Variants in HAAO observed in about 807,000 individuals in gnomAD.
The protein encoded by HAAO is 3-hydroxyanthranilate 3,4-dioxygenase.
A neutral mutation model predicts 46.2 loss-of-function variants in HAAO; 49 were observed. The ratio of observed to expected loss-of-function variants is 1.06; its 90% CI spans 0.84 to 1.34. The LOEUF is 1.34. Ranked by LOEUF, HAAO falls within the 40% of genes most tolerant of loss-of-function variation. The probability of loss-of-function intolerance (pLI) is 0.00; values close to 1 mark genes in which losing one functional copy is unlikely to be tolerated. For synonymous variants in HAAO, 157 were observed against 145.2 expected, an observed-to-expected ratio of 1.08 and a Z score of -0.58; for missense variants, 408 against 364.5, an observed-to-expected ratio of 1.12 and a Z score of -0.97.
chr2:42,792,380 A>C (rs1244862527), intron 1 of HAAO, 77 bp downstream of exon 1: 2 of 750,572 alleles, frequency 2.7e-6, no homozygotes, highest in Non-Finnish European at 2.2e-6. Context: ...AGGAACTCGG[A>C]GCTGGAAGGT....
chr2:42,779,008 G>A (rs976904229), intron 4 of HAAO, among the ~76,000 whole-genome samples: 1 of 152,124 alleles, frequency 6.6e-6, no homozygotes, highest in Non-Finnish European at 1.5e-5. Context: ...AGCTACTTGG[G>A]AGGCTGAGGC....
At position 42,770,589 on chromosome 2, in the gene HAAO, G is replaced by A. The variant is rs1167300979; in HGVS notation, c.351-7C>T. 30 of 1,544,058 alleles carry A rather than the reference G, an allele frequency of 1.9e-5. No individual in the cohort carries two copies. Among genetic ancestry groups the A allele is most frequent in the Non-Finnish European group, 2.4e-5 (27 of 1,141,844 alleles). On this transcript the variant is annotated splice_region_variant and splice_polypyrimidine_tract_variant and intron_variant, in intron 4 of 9. Coordinates refer to ENST00000294973, the MANE Select transcript of HAAO (RefSeq NM_012205.3). ...GGTGTCGCCCACATAGTACCTGCCA[G>A]AGCAGAGGACAGGCAACCCTGCTGT...
chr2:42,790,600 C>T (rs532179947), intron 1 of HAAO, among the ~76,000 whole-genome samples: 119 of 151,324 alleles, frequency 7.9e-4, no homozygotes, highest in African/African-American at 2.8e-3. Flanking sequence ...GGCACAACTT[C>T]GGCTCAGTGC....
At chr2:42,773,841 C>T (rs763203152) in intron 4 of HAAO, among the ~76,000 whole-genome samples, 10 of 152,202 alleles carry the variant, frequency 6.6e-5, no homozygotes, top group Non-Finnish European at 1.3e-4. Context: ...CCACCCGCCT[C>T]GGCCTCCCGA....
intron 4 of HAAO, among the ~76,000 whole-genome samples, chr2:42,773,573 C>G (rs895354030): frequency 1.3e-5 from 2 of 151,264 alleles, no homozygotes; most frequent in African/African-American, 4.9e-5. Context: ...TTAGGGCAAA[C>G]CTACCCCCTA....
In HAAO at chr2:42,767,395, T is replaced by C; in HGVS notation, c.*42A>G. The C allele has an allele frequency of 7.1e-7, 1 of 1,413,500 alleles. No homozygotes were observed. Among genetic ancestry groups the C allele is most frequent in the Non-Finnish European group, 1.0e-6 (1 of 1,003,342 alleles). The allele number at this position is 1,413,500 out of a possible 1,614,324, so 87.6% of individuals were successfully genotyped here. On this transcript the variant is annotated 3_prime_UTR_variant, in exon 10 of 10. Coordinates refer to ENST00000294973, the MANE Select transcript of HAAO (RefSeq NM_012205.3). ...GTTTGGCAGGGATGGCACTCGAGGGTGCTTGGCACACCTGTGGCTGCTTCA... is the reference window on the plus strand; with the variant it reads ...GTTTGGCAGGGATGGCACTCGAGGGCGCTTGGCACACCTGTGGCTGCTTCA...
At chr2:42,770,232 C>T (rs776150246) in intron 5 of HAAO, 46 bp from the exon 6 acceptor site, 42 of 1,531,584 alleles carry the variant, frequency 2.7e-5, no homozygotes, top group African/African-American at 5.5e-5. Context: ...GCACTCCCAT[C>T]GGAGTGGCCA....
At position 42,789,108 on chromosome 2, in the gene HAAO, T is replaced by A. The variant is rs536905200; in HGVS notation, c.81-501A>T. 3 of 179,540 alleles carry A rather than the reference T, an allele frequency of 1.7e-5. No individual in the cohort carries two copies. In the East Asian group the frequency reaches 3.9e-4, roughly 24 times the overall value. The allele number at this position is 179,540 out of a possible 1,614,324, so 11.1% of individuals were successfully genotyped here. On this transcript the variant is annotated intron_variant, in intron 1 of 9. Transcript: ENST00000294973. Reference sequence around the variant, plus strand: ...CATCTAGCAGGGGCCTCAGGCGGTGTCAAGTCAGTGTGGCATGTGTTTATA... The same window carrying A: ...CATCTAGCAGGGGCCTCAGGCGGTGACAAGTCAGTGTGGCATGTGTTTATA...
chr2:42,777,189 G>A (rs34702827), intron 4 of HAAO, among the ~76,000 whole-genome samples: 1 of 151,068 alleles, frequency 6.6e-6, no homozygotes, highest in African/African-American at 2.4e-5. Context: ...TGCAATCCCA[G>A]CTACTTGGGA....
chr2:42,774,816 TTTG>T (rs1671418893), intron 4 of HAAO, among the ~76,000 whole-genome samples: 1 of 152,192 alleles, frequency 6.6e-6, no homozygotes, highest in Non-Finnish European at 1.5e-5. Flanking sequence ...TTGTTTCTGT[TTTG>T]TTGTTGTTTC....
At chr2:42,774,400 T>C (rs1199354372) in intron 4 of HAAO, among the ~76,000 whole-genome samples, 3 of 152,224 alleles carry the variant, frequency 2.0e-5, no homozygotes, top group Non-Finnish European at 4.4e-5. Context: ...GACAATTTGC[T>C]GAGGTGTGGG....
chr2:42,774,890 C>T (rs1671423199), intron 4 of HAAO, among the ~76,000 whole-genome samples: 1 of 152,034 alleles, frequency 6.6e-6, no homozygotes, highest in Non-Finnish European at 1.5e-5. Context: ...TAAAGAAGTT[C>T]CAAATTATGG....
At chr2:42,772,325 A>C (rs1359906913) in intron 4 of HAAO, among the ~76,000 whole-genome samples, 1 of 152,142 alleles carries the variant, frequency 6.6e-6, no homozygotes, top group East Asian at 1.9e-4. Context: ...TACTAAAAAT[A>C]CAAAAATTAG....
chr2:42,791,022 G>C (rs1672762169), intron 1 of HAAO, among the ~76,000 whole-genome samples: 1 of 152,096 alleles, frequency 6.6e-6, no homozygotes, highest in Non-Finnish European at 1.5e-5. Flanking sequence ...TCACCTTGCT[G>C]AATAGTAACC....
In HAAO at chr2:42,767,315, G is replaced by T. The variant is rs1426735031; in HGVS notation, c.*122C>A. The stretch of plus-strand genomic sequence containing the variant: ...GAGGGTGGGTGACAACAATGTGCAG[G>T]TCTGTGGGGGACACAGCGGCAGTAC... On this transcript the variant is annotated 3_prime_UTR_variant, in exon 10 of 10. Coordinates refer to ENST00000294973, the MANE Select transcript of HAAO (RefSeq NM_012205.3). 6 of 728,066 alleles carry T rather than the reference G, an allele frequency of 8.2e-6. No individual in the cohort carries two copies. The highest frequency in any genetic ancestry group is 1.5e-5 in the Non-Finnish European group (6 of 407,444). The allele number at this position is 728,066 out of a possible 1,614,324, so 45.1% of individuals were successfully genotyped here.
intron 2 of HAAO, among the ~76,000 whole-genome samples, chr2:42,785,336 A>G (rs1672308758): frequency 6.6e-6 from 1 of 152,238 alleles, no homozygotes; most frequent in Non-Finnish European, 1.5e-5. Flanking sequence ...TTATGCAGCC[A>G]TTAAAAACTA....
Position 42,771,431 on chromosome 2 carries a change from GTAAA to G in HAAO, c.351-853_351-850del, listed in dbSNP as rs528240571. Among the ~76,000 whole-genome samples the G allele has an allele frequency of 6.0e-3, 779 of 130,390 alleles. 9 individuals carry two copies. Among genetic ancestry groups the G allele is most frequent in the African/African-American group, 0.022 (747 of 33,254 alleles). The allele number at this position is 130,390 out of a possible 152,430, so 85.5% of individuals were successfully genotyped here. A position where few individuals can be genotyped will look rare whatever the true frequency, so the allele number is the denominator to read the frequency against. The stretch of plus-strand genomic sequence containing the variant: ...GACAGAACAAGACTCTGTCTCAAAA[GTAAA>G]TAAATAAGTAAAAAAAAAAAAAAAA... On this transcript the variant is annotated intron_variant, in intron 4 of 9. Transcript: ENST00000294973.
rs1249889459 is a variant in HAAO at position 42,767,512 on chromosome 2, A to T, written c.786T>A (p.Tyr262Ter). ...DSLLVLAGTS[Y>*]AWERTQGSVA... ...CAGAGCCTTGTGTTCGCTCCCAGGC[A>T]TACCTGTGGACACACAGATGAGCAG... Residue 262 changes from tyrosine to a stop codon, truncating the protein, a stop_gained, in exon 10 of 10, where the codon TAT becomes TAA. Coordinates refer to ENST00000294973, the MANE Select transcript of HAAO (RefSeq NM_012205.3). LOFTEE classifies it high-confidence loss of function. 6.2e-7 allele frequency: 1 copy of T among 1,611,246 alleles called. No homozygotes were observed.
chr2:42,787,424 T>C (rs1672469030), intron 2 of HAAO, among the ~76,000 whole-genome samples: 1 of 152,100 alleles, frequency 6.6e-6, no homozygotes, highest in African/African-American at 2.4e-5. Context: ...ACCTCCTCAG[T>C]ATAGTTTTAG....
Sources: allele counts gnomAD v4.1 joint callset (sites outside exome capture counted in the v4.1 genomes callset), GRCh38; gene constraint gnomAD v4.1.1; transcripts MANE v1.5; gene names NCBI Gene and HGNC (gene_info 2026-07-23, HGNC 2026-07-21).